The following TACC2 variants were observed in gnomAD, a reference collection of about 807,000 sequenced individuals.
TACC2 encodes the protein transforming acidic coiled-coil containing protein 2.
TACC2 carries 137 observed loss-of-function variants against 227.3 expected under a neutral mutation model. That is an observed-to-expected ratio of 0.60 (90% confidence interval 0.52 to 0.69). The LOEUF is 0.69. Ranked by LOEUF, TACC2 falls within the 30% of genes least tolerant of loss-of-function variation. The pLI, the probability that TACC2 is intolerant of heterozygous loss-of-function variation, is 0.00. For synonymous variants in TACC2, 1,523 were observed against 1,487.5 expected (o/e 1.02, Z -0.55); for missense variants, 3,470 against 3,694.4 (o/e 0.94, Z 1.57).
rs537409553 is a variant in TACC2 at position 122,176,911 on chromosome 10, CCTGGGGCTT to C, written c.5835-18124_5835-18116del. ...CCTGAGCCACAGAAAGGAATAGGGACCTGGGGCTTCTGGTGGGTGGTGGAGACAAGTTAT... is the reference window on the plus strand; with the variant it reads ...CCTGAGCCACAGAAAGGAATAGGGACCTGGTGGGTGGTGGAGACAAGTTAT... On this transcript the variant is annotated intron_variant, in intron 7 of 22. Coordinates refer to ENST00000369005, the MANE Select transcript of TACC2 (RefSeq NM_206862.4). Among the ~76,000 whole-genome samples, 172 of 152,242 alleles carry C rather than the reference CCTGGGGCTT, an allele frequency of 1.1e-3. 1 individual carries two copies. The highest frequency in any genetic ancestry group is 4.0e-3 in the African/African-American group (165 of 41,536).
chr10:122,188,847 T>C (rs961323916), intron 7 of TACC2, among the ~76,000 whole-genome samples: 1 of 152,198 alleles, frequency 6.6e-6, no homozygotes, highest in Non-Finnish European at 1.5e-5. Flanking sequence ...GTAAATGTGT[T>C]GTCATCTGCT....
intron 1 of TACC2, among the ~76,000 whole-genome samples, chr10:121,989,831 C>T (rs1282194327): frequency 5.9e-5 from 9 of 151,664 alleles, no homozygotes; most frequent in Admixed American, 5.3e-4. Flanking sequence ...GATCATGGCT[C>T]ACTGTAGCCC....
rs766415523 is a variant in TACC2, at chr10:122,084,271, C to A, written c.1771C>A (p.Pro591Thr). The change falls in exon 4 of 23, where the codon CCA (proline) becomes ACA (threonine). Residue 591 changes from proline to threonine, a missense_variant. Around this residue, in one of 10 missense-constraint regions of TACC2, gnomAD observed 1,924 missense variants for 1,978.3 expected, o/e 0.97. Transcript: ENST00000369005. ...EAPEPPDGGD[P>T]GNLQGEDSQA... The stretch of plus-strand genomic sequence containing the variant: ...CCCAGAGCCACCTGATGGTGGAGAC[C>A]CAGGGAACCTGCAAGGAGAGGACTC... 4 of 1,613,968 alleles carry A rather than the reference C, an allele frequency of 2.5e-6. No homozygotes were observed. The highest frequency in any genetic ancestry group is 3.4e-6 in the Non-Finnish European group (4 of 1,180,026).
intron 16 of TACC2, among the ~76,000 whole-genome samples, chr10:122,235,594 A>C (rs2095842045): frequency 6.6e-6 from 1 of 152,062 alleles, no homozygotes; most frequent in Non-Finnish European, 1.5e-5. Flanking sequence ...ACAAATATTG[A>C]GTCTTGATCT....
At chr10:122,124,086 A>G (rs529364527) in intron 5 of TACC2, among the ~76,000 whole-genome samples, 11 of 152,292 alleles carry the variant, frequency 7.2e-5, no homozygotes, top group Admixed American at 3.3e-4. Flanking sequence ...TGCTGCGATT[A>G]TAGTCATGAG....
intron 5 of TACC2, among the ~76,000 whole-genome samples, chr10:122,096,057 C>T (rs926814315): frequency 2.0e-5 from 3 of 152,188 alleles, no homozygotes; most frequent in Non-Finnish European, 2.9e-5. Context: ...TTCTCAAGCA[C>T]CTGCTGGTGC....
intron 11 of TACC2, among the ~76,000 whole-genome samples, chr10:122,221,194 G>A (rs1334836137): frequency 1.3e-5 from 2 of 152,208 alleles, no homozygotes; most frequent in South Asian, 2.1e-4. Flanking sequence ...CATCTTCCAC[G>A]GATGAAGAAC....
intron 2 of TACC2, among the ~76,000 whole-genome samples, chr10:122,029,015 T>C (rs1284248331): frequency 1.5e-3 from 134 of 87,772 alleles, no homozygotes; most frequent in Non-Finnish European, 2.0e-3. Context: ...CCCCTCCCCT[T>C]CCCTTCCCGT....
At chr10:122,120,511 C>G (rs2085522768) in intron 5 of TACC2, among the ~76,000 whole-genome samples, 1 of 152,144 alleles carries the variant, frequency 6.6e-6, no homozygotes, top group Non-Finnish European at 1.5e-5. Flanking sequence ...GCAGCACCCA[C>G]TTGGCTCTCA....
intron 2 of TACC2, among the ~76,000 whole-genome samples, chr10:122,039,944 G>A (rs1286185690): frequency 1.3e-5 from 2 of 151,360 alleles, no homozygotes; most frequent in African/African-American, 2.4e-5. Flanking sequence ...GCTAATTGGA[G>A]GTTCCTCTTA....
intron 2 of TACC2, among the ~76,000 whole-genome samples, chr10:122,035,134 C>T (rs1379393013): frequency 6.6e-6 from 1 of 152,274 alleles, no homozygotes; most frequent in South Asian, 2.1e-4. Flanking sequence ...AGGGGAAGAG[C>T]ACTTTGTCCG....
chr10:122,069,186 C>T (rs1318856121), intron 3 of TACC2, among the ~76,000 whole-genome samples: 1 of 152,150 alleles, frequency 6.6e-6, no homozygotes, highest in Non-Finnish European at 1.5e-5. Flanking sequence ...GCCGCTTTCT[C>T]CAGACCTTCA....
At chr10:122,214,126 C>G (rs1311405726) in intron 9 of TACC2, among the ~76,000 whole-genome samples, 1 of 152,124 alleles carries the variant, frequency 6.6e-6, no homozygotes, top group Non-Finnish European at 1.5e-5. Flanking sequence ...TTTTCCCTGT[C>G]CTTAGAAGGG....
chr10:122,135,699 A>G (rs1450732549), intron 6 of TACC2, among the ~76,000 whole-genome samples: 1 of 152,164 alleles, frequency 6.6e-6, no homozygotes, highest in Non-Finnish European at 1.5e-5. Flanking sequence ...CTTCTCACTA[A>G]AATGTATTGA....
chr10:122,198,377 C>G (rs2094649531), intron 8 of TACC2, among the ~76,000 whole-genome samples: 1 of 152,186 alleles, frequency 6.6e-6, no homozygotes, highest in African/African-American at 2.4e-5. Flanking sequence ...CCTTCCAGCT[C>G]CGGCCTCCCG....
rs138777606 is a variant in TACC2, at chr10:122,211,050, A to G, written c.6625A>G (p.Ser2209Gly). Residue 2209 changes from serine to glycine, a missense_variant, in exon 9 of 23, where the codon AGT becomes GGT. Transcript: ENST00000369005. ...AGCTGCCTGCCCTCTGGACTCAGAG[A>G]GTGCAGAAGGGGTTGTCCCCCCGGC... ...PKAACPLDSE[S>G]AEGVVPPASG... 135 of 1,612,182 alleles carry G rather than the reference A, an allele frequency of 8.4e-5. No homozygotes were observed. The African/African-American group carries it at 1.7e-3, about 21-fold the overall frequency.
intron 3 of TACC2, among the ~76,000 whole-genome samples, chr10:122,065,091 A>G (rs2077240977): frequency 6.6e-6 from 1 of 152,186 alleles, no homozygotes; most frequent in South Asian, 2.1e-4. Context: ...TGATTTAAAA[A>G]AATTTTTTTA....
At chr10:122,237,791 GGCT>G (rs1272753607) in intron 17 of TACC2, among the ~76,000 whole-genome samples, 167 bp from the exon 18 acceptor site, 1 of 152,178 alleles carries the variant, frequency 6.6e-6, no homozygotes, top group Non-Finnish European at 1.5e-5. Context: ...TCTGATATCT[GGCT>G]GCTTTCTTTT....
At chr10:122,159,804 G>C (rs1175064740) in intron 7 of TACC2, among the ~76,000 whole-genome samples, 1 of 152,194 alleles carries the variant, frequency 6.6e-6, no homozygotes, top group African/African-American at 2.4e-5. Context: ...CTACTTTCCT[G>C]AGTGTATGTG....
Sources: allele counts gnomAD v4.1 joint callset (sites outside exome capture counted in the v4.1 genomes callset), GRCh38; gene constraint gnomAD v4.1.1; regional missense constraint gnomAD v4.1.1; transcripts MANE v1.5; gene names NCBI Gene and HGNC (gene_info 2026-07-23, HGNC 2026-07-21).